FAF1: variants seen among roughly 807,000 people sequenced by gnomAD.
FAF1 encodes Fas associated factor 1.
FAF1 carries 25 observed loss-of-function variants against 92.5 expected under a neutral mutation model. The observed-to-expected ratio is 0.27, with a 90% confidence interval of 0.20 to 0.38. The LOEUF (loss-of-function observed/expected upper bound fraction) is 0.38. FAF1 is among the 10% of genes least tolerant of loss of function. The pLI is 1.00. For synonymous variants in FAF1, 234 were observed against 273.2 expected (o/e 0.86, Z 1.42); for missense variants, 636 against 793.3 (o/e 0.80, Z 2.38).
At chr1:50,619,998 T>TGAA (rs1653116832) in intron 8 of FAF1, among the ~76,000 whole-genome samples, 2 of 151,266 alleles carry the variant, frequency 1.3e-5, no homozygotes, top group African/African-American at 4.9e-5. Flanking sequence ...AACCTCTGCC[T>TGAA]TCCAGGTTCA....
At chr1:50,507,782 TA>T (rs1170246668) in intron 15 of FAF1, among the ~76,000 whole-genome samples, 2 of 152,170 alleles carry the variant, frequency 1.3e-5, no homozygotes, top group Non-Finnish European at 2.9e-5. Flanking sequence ...GAAAGGTTTT[TA>T]AAAAATTTTC....
chr1:50,567,959 C>A (rs1650247105), intron 12 of FAF1, among the ~76,000 whole-genome samples: 1 of 151,994 alleles, frequency 6.6e-6, no homozygotes, highest in Non-Finnish European at 1.5e-5. Context: ...GACACTTGGT[C>A]TCTTAAATGT....
intron 15 of FAF1, among the ~76,000 whole-genome samples, chr1:50,522,278 C>T (rs1347646658): frequency 6.6e-6 from 1 of 152,146 alleles, no homozygotes; most frequent in Non-Finnish European, 1.5e-5. Flanking sequence ...TACAAGGGAT[C>T]ATGAGGTATC....
chr1:50,516,712 A>C (rs1647233460), intron 15 of FAF1, among the ~76,000 whole-genome samples: 1 of 152,194 alleles, frequency 6.6e-6, no homozygotes, highest in Non-Finnish European at 1.5e-5. Context: ...CCTGACTTTC[A>C]AAGTGAAATC....
intron 12 of FAF1, among the ~76,000 whole-genome samples, chr1:50,572,309 G>A (rs1293167933): frequency 6.6e-6 from 1 of 152,136 alleles, no homozygotes; most frequent in Non-Finnish European, 1.5e-5. Context: ...CTACCCTAAA[G>A]AAATGTCTTG....
At chr1:50,749,036 C>T (rs1298083601) in intron 4 of FAF1, among the ~76,000 whole-genome samples, 1 of 152,200 alleles carries the variant, frequency 6.6e-6, no homozygotes, top group Non-Finnish European at 1.5e-5. Flanking sequence ...TGGTTCAACA[C>T]TATAGTTGTG....
Position 50,595,996 on chromosome 1 carries a change from G to A in FAF1, c.840+125C>T, listed in dbSNP as rs1460167469. 26 of 641,968 alleles carry A rather than the reference G, an allele frequency of 4.1e-5. No individual in the cohort carries two copies. In the South Asian group the frequency reaches 4.3e-4, roughly 11 times the overall value. 39.8% of individuals were successfully genotyped at this position (641,968 alleles called of 1,614,324 possible). A position where few individuals can be genotyped will look rare whatever the true frequency, so the allele number is the denominator to read the frequency against. Reference sequence around the variant, plus strand: ...CAGTTTCTGCCTTCAAGAATTTACCGAGATTTAATTAATGCTACATTAACT... The same window carrying A: ...CAGTTTCTGCCTTCAAGAATTTACCAAGATTTAATTAATGCTACATTAACT... On this transcript the variant is annotated intron_variant, in intron 9 of 18. Transcript: ENST00000396153.
At chr1:50,492,088 A>G (rs1646844691) in intron 15 of FAF1, among the ~76,000 whole-genome samples, 1 of 152,186 alleles carries the variant, frequency 6.6e-6, no homozygotes, top group Admixed American at 6.5e-5. Context: ...CAGAAATAAT[A>G]TTTGTCTTAT....
At chr1:50,523,323 T>A (rs1430698633) in intron 15 of FAF1, among the ~76,000 whole-genome samples, 1 of 152,192 alleles carries the variant, frequency 6.6e-6, no homozygotes, top group Non-Finnish European at 1.5e-5. Context: ...TATATTTAAC[T>A]TTTTGAGTAG....
intron 8 of FAF1, among the ~76,000 whole-genome samples, chr1:50,649,962 G>A (rs112632642): frequency 0.094 from 14,186 of 150,910 alleles, 833 homozygotes; most frequent in African/African-American, 0.17. Context: ...GTAAGACTCC[G>A]TCAAAGAGAG....
chr1:50,459,407 A>ATTCT, intron 18 of FAF1, among the ~76,000 whole-genome samples: 1 of 152,298 alleles, frequency 6.6e-6, no homozygotes, highest in East Asian at 1.9e-4. Flanking sequence ...CTCTGCTAGA[A>ATTCT]AGTACCACCT....
intron 6 of FAF1, among the ~76,000 whole-genome samples, chr1:50,713,049 C>CT (rs1264233642): frequency 6.7e-6 from 1 of 149,222 alleles, no homozygotes; most frequent in African/African-American, 2.5e-5. Context: ...GTAGTCCCAG[C>CT]TACAGGAGGC....
intron 8 of FAF1, among the ~76,000 whole-genome samples, chr1:50,635,396 C>T (rs1474801742): frequency 1.3e-5 from 2 of 152,122 alleles, no homozygotes; most frequent in Non-Finnish European, 2.9e-5. Flanking sequence ...ATTTTTAGCA[C>T]ACTGTCCTAC....
intron 8 of FAF1, among the ~76,000 whole-genome samples, chr1:50,600,548 A>T (rs1652055165): frequency 6.6e-6 from 1 of 152,190 alleles, no homozygotes; most frequent in Non-Finnish European, 1.5e-5. Flanking sequence ...AATAAAAAAA[A>T]TAAGACTAAC....
At chr1:50,603,033 C>A (rs1572862717) in intron 8 of FAF1, among the ~76,000 whole-genome samples, 1 of 152,110 alleles carries the variant, frequency 6.6e-6, no homozygotes, top group Admixed American at 6.6e-5. Flanking sequence ...AAGAAGGTTG[C>A]CCAAAGTCAA....
At chr1:50,738,590 C>T (rs953955265) in intron 6 of FAF1, among the ~76,000 whole-genome samples, 4 of 152,082 alleles carry the variant, frequency 2.6e-5, no homozygotes, top group African/African-American at 7.2e-5. Context: ...AACTTGGATC[C>T]TTTCCCTTCA....
chr1:50,784,160 A>G (rs1250275136), intron 4 of FAF1, among the ~76,000 whole-genome samples: 1 of 152,218 alleles, frequency 6.6e-6, no homozygotes, highest in African/African-American at 2.4e-5. Flanking sequence ...CTTCTATTCA[A>G]CGTAGTACTG....
intron 1 of FAF1, among the ~76,000 whole-genome samples, chr1:50,922,126 C>T (rs772029360): frequency 3.4e-5 from 5 of 147,722 alleles, no homozygotes; most frequent in Non-Finnish European, 7.4e-5. Flanking sequence ...GAGATCACAT[C>T]ATTGCACTCC....
At chr1:50,507,197 T>C (rs1183166043) in intron 15 of FAF1, among the ~76,000 whole-genome samples, 1 of 152,202 alleles carries the variant, frequency 6.6e-6, no homozygotes, top group African/African-American at 2.4e-5. Context: ...GAAAACTAAC[T>C]GACCTCCTGA....
Sources: gnomAD v4.1 joint callset for allele counts (sites outside exome capture counted in the v4.1 genomes callset) on GRCh38, gnomAD v4.1.1 for gene constraint, MANE v1.5 for transcripts, NCBI Gene and HGNC (gene_info 2026-07-23, HGNC 2026-07-21) for gene names.